Variants in DLGAP1 observed in about 807,000 individuals in gnomAD.
DLGAP1 encodes disks large-associated protein 1.
A neutral mutation model predicts 90.8 loss-of-function variants in DLGAP1; 11 were observed. The observed-to-expected ratio is 0.12, with a 90% CI of 0.08 to 0.20. The LOEUF (loss-of-function observed/expected upper bound fraction) is 0.20, where lower values mean the gene tolerates loss of function less well. DLGAP1 is among the 10% of genes least tolerant of loss of function. The pLI is 1.00. For synonymous variants in DLGAP1, 558 were observed against 540.7 expected (o/e 1.03, Z -0.44); for missense variants, 1,050 against 1,333.8 (o/e 0.79, Z 3.31).
intron 1 of DLGAP1, among the ~76,000 whole-genome samples, chr18:4,198,893 A>C (rs1017424866): frequency 6.6e-6 from 1 of 152,230 alleles, no homozygotes; most frequent in African/African-American, 2.4e-5. Context: ...TGGGAGGCAA[A>C]TGCCACAACC....
intron 5 of DLGAP1, among the ~76,000 whole-genome samples, chr18:3,761,108 T>G (rs1398496219): frequency 1.3e-5 from 2 of 152,194 alleles, no homozygotes; most frequent in Non-Finnish European, 2.9e-5. Flanking sequence ...ATCCACTGAA[T>G]TCACCATTTT....
intron 7 of DLGAP1, among the ~76,000 whole-genome samples, chr18:3,650,959 G>C (rs768843219): frequency 3.3e-5 from 5 of 151,948 alleles, no homozygotes; most frequent in Non-Finnish European, 5.9e-5. Context: ...CCAGCTATTC[G>C]GGAGGCTGAG....
At chr18:4,162,006 T>G (rs2076854039) in intron 1 of DLGAP1, among the ~76,000 whole-genome samples, 1 of 152,200 alleles carries the variant, frequency 6.6e-6, no homozygotes, top group Non-Finnish European at 1.5e-5. Context: ...GCAGCCATTT[T>G]GTCATTGTGT....
intron 5 of DLGAP1, among the ~76,000 whole-genome samples, chr18:3,754,290 C>A (rs1158772509): frequency 6.6e-6 from 1 of 152,132 alleles, no homozygotes; most frequent in Non-Finnish European, 1.5e-5. Flanking sequence ...GCATGAGCCA[C>A]CGTACTCAGC....
intron 1 of DLGAP1, among the ~76,000 whole-genome samples, chr18:4,298,937 C>T (rs1443760230): frequency 4.0e-5 from 6 of 151,582 alleles, no homozygotes; most frequent in African/African-American, 1.5e-4. Flanking sequence ...AAAAATTAGC[C>T]AAGCGTGGTG....
intron 1 of DLGAP1, among the ~76,000 whole-genome samples, chr18:4,438,592 C>T (rs1188623283): frequency 7.2e-5 from 11 of 151,912 alleles, no homozygotes; most frequent in Admixed American, 1.3e-4. Flanking sequence ...TTTTATTAAC[C>T]ACCCTCCCCA....
At chr18:3,951,898 C>T (rs558813589) in intron 3 of DLGAP1, among the ~76,000 whole-genome samples, 2 of 152,232 alleles carry the variant, frequency 1.3e-5, no homozygotes, top group South Asian at 4.2e-4. Context: ...GTCGATTAAA[C>T]CTTTTTTGTT....
chr18:3,518,651 T>C (rs2050988925), intron 10 of DLGAP1, among the ~76,000 whole-genome samples: 1 of 152,226 alleles, frequency 6.6e-6, no homozygotes, highest in Non-Finnish European at 1.5e-5. Context: ...TTACCAGCTA[T>C]TGATCTTGGG....
At chr18:3,905,217 A>G (rs2071872031) in intron 3 of DLGAP1, among the ~76,000 whole-genome samples, 1 of 151,354 alleles carries the variant, frequency 6.6e-6, no homozygotes, top group Admixed American at 6.6e-5. Flanking sequence ...AATACAAAAA[A>G]TTAGCTTGGC....
chr18:3,724,023 A>C (rs1247097951), intron 7 of DLGAP1, among the ~76,000 whole-genome samples: 1 of 152,152 alleles, frequency 6.6e-6, no homozygotes, highest in Non-Finnish European at 1.5e-5. Context: ...AAATTCCTCT[A>C]ATAAGAGAAT....
rs149740539 is a variant in DLGAP1 at position 4,035,053 on chromosome 18, G to A, written c.-158-29852C>T. Among the ~76,000 whole-genome samples, 557 of 152,212 alleles carry A rather than the reference G, an allele frequency of 3.7e-3. 27 individuals are homozygous for A. The East Asian group carries it at 0.062, about 17-fold the overall frequency. On this transcript the variant is annotated intron_variant, in intron 2 of 12. Transcript: ENST00000315677. The stretch of plus-strand genomic sequence containing the variant: ...TAGTATTCCATGGTGTATATGTGCC[G>A]CATTTTCTTAATCCAGTCTATCATG...
chr18:3,598,465 CT>C (rs35437765), intron 7 of DLGAP1: 32,454 of 115,022 alleles, frequency 0.28, 2,625 homozygotes, highest in Middle Eastern at 0.4. Context: ...CCCTCCATTA[CT>C]TTTTTTTTTT....
intron 4 of DLGAP1, among the ~76,000 whole-genome samples, chr18:3,834,086 C>T (rs1037402070): frequency 1.4e-4 from 21 of 152,124 alleles, no homozygotes; most frequent in Non-Finnish European, 2.4e-4. Context: ...GCGGGTGGAT[C>T]ATGAGGTCAG....
At chr18:3,512,612 T>C (rs2050607915) in intron 10 of DLGAP1, among the ~76,000 whole-genome samples, 1 of 152,326 alleles carries the variant, frequency 6.6e-6, no homozygotes, top group African/African-American at 2.4e-5. Context: ...TATCATCACT[T>C]AGTATTTCAA....
At chr18:4,008,955 G>C (rs1234680087) in intron 2 of DLGAP1, among the ~76,000 whole-genome samples, 4 of 152,054 alleles carry the variant, frequency 2.6e-5, no homozygotes, top group African/African-American at 9.7e-5. Context: ...CCAGGCTGGA[G>C]TGCGGTGGCG....
chr18:3,742,974 C>CTTCCTTCCT (rs2063121306), intron 5 of DLGAP1, among the ~76,000 whole-genome samples: 1 of 150,330 alleles, frequency 6.7e-6, no homozygotes, highest in African/African-American at 2.5e-5. Context: ...TCCTTCCTTC[C>CTTCCTTCCT]TTCCTTCCTT....
chr18:3,953,447 T>C (rs998924179), intron 3 of DLGAP1, among the ~76,000 whole-genome samples: 1 of 152,216 alleles, frequency 6.6e-6, no homozygotes, highest in Admixed American at 6.5e-5. Context: ...TAACTTTGTG[T>C]TTCTGAGATA....
At chr18:3,718,385 C>T (rs1267355393) in intron 7 of DLGAP1, among the ~76,000 whole-genome samples, 1 of 152,076 alleles carries the variant, frequency 6.6e-6, no homozygotes, top group African/African-American at 2.4e-5. Context: ...TTTGACTGGC[C>T]TCCCCTTTGT....
intron 1 of DLGAP1, among the ~76,000 whole-genome samples, chr18:4,361,073 A>C (rs1340357091): frequency 1.3e-5 from 2 of 152,186 alleles, no homozygotes; most frequent in African/African-American, 4.8e-5. Flanking sequence ...AATCAACAGA[A>C]ATTATAGTTT....
Sources: gnomAD v4.1 joint callset for allele counts (sites outside exome capture counted in the v4.1 genomes callset) on GRCh38, gnomAD v4.1.1 for gene constraint, MANE v1.5 for transcripts, NCBI Gene and HGNC (gene_info 2026-07-23, HGNC 2026-07-21) for gene names.